The following NFATC1 variants were observed in gnomAD, a reference collection of about 807,000 sequenced individuals.
NFATC1 encodes nuclear factor of activated T-cells, cytoplasmic 1.
Under a neutral mutation model 76.0 loss-of-function variants are expected in NFATC1, and 22 were observed. That is an observed-to-expected ratio of 0.29 (90% CI 0.21 to 0.41). The LOEUF (loss-of-function observed/expected upper bound fraction) is 0.41, where lower values mean the gene tolerates loss of function less well. Ranked by LOEUF, NFATC1 falls within the 10% of genes least tolerant of loss-of-function variation. The pLI, the probability that NFATC1 is intolerant of heterozygous loss-of-function variation, is 1.00. For synonymous variants in NFATC1, 704 were observed against 613.1 expected (o/e 1.15, Z -2.19); for missense variants, 1,357 against 1,337.7 (o/e 1.01, Z -0.23).
rs2089503917 is a variant in NFATC1, at chr18:79,486,573, A to C, written c.2418A>C (p.Pro806=). Residue 806 remains proline (P), a synonymous_variant, in exon 9 of 10, where the codon CCA becomes CCC. Coordinates refer to ENST00000427363, the MANE Select transcript of NFATC1 (RefSeq NM_001278669.2). ...EAPAVQDVPR[P]VATHPGSPGQ... is the part of the protein sequence containing the mutation. ...CCGCCGTCCAGGACGTGCCCAGGCC[A>C]GTGGCCACGCACCCCGGCTCGCCCG... 6.3e-7 allele frequency: 1 copy of C among 1,592,646 alleles called. No homozygotes were observed. The highest frequency in any genetic ancestry group is 1.1e-5 in the South Asian group (1 of 90,204).
chr18:79,479,991 C>G (rs1348715404), intron 8 of NFATC1, among the ~76,000 whole-genome samples: 1 of 152,224 alleles, frequency 6.6e-6, no homozygotes, highest in Admixed American at 6.5e-5. Flanking sequence ...CGTGGAGACC[C>G]CAGCCCAGGG....
chr18:79,503,068 T>C (rs2090047025), intron 9 of NFATC1, among the ~76,000 whole-genome samples: 1 of 152,168 alleles, frequency 6.6e-6, no homozygotes, highest in Admixed American at 6.5e-5. Flanking sequence ...ACAACCACAA[T>C]GCCCAGCATG....
rs182511832 is a variant in NFATC1 at position 79,444,127 on chromosome 18, C to T, written c.1387-4655C>T. On this transcript the variant is annotated intron_variant, in intron 3 of 9. Coordinates refer to ENST00000427363, the MANE Select transcript of NFATC1 (RefSeq NM_001278669.2). The stretch of plus-strand genomic sequence containing the variant: ...AATAAAACCTGAAATGAGAAAAAAA[C>T]TTTTTTCTAGAACTTCCCAGAGAGC... 4.4e-3 allele frequency among the ~76,000 whole-genome samples: 666 copies of T among 152,292 alleles called. 4 individuals are homozygous for T. The highest frequency in any genetic ancestry group is 6.0e-3 in the Non-Finnish European group (408 of 68,008).
intron 2 of NFATC1, 114 bp downstream of exon 2, chr18:79,411,615 C>A: frequency 1.1e-6 from 1 of 883,886 alleles, no homozygotes; most frequent in Non-Finnish European, 1.4e-6. Context: ...GGACGAGAGT[C>A]AGGACCTGGG....
intron 1 of NFATC1, among the ~76,000 whole-genome samples, chr18:79,402,721 G>A (rs552864234): frequency 4.6e-5 from 7 of 152,314 alleles, no homozygotes; most frequent in African/African-American, 1.4e-4. Context: ...TATGTTACGT[G>A]TACATATTGT....
intron 8 of NFATC1, among the ~76,000 whole-genome samples, chr18:79,471,392 G>A (rs1019811727): frequency 7.2e-5 from 11 of 152,304 alleles, no homozygotes; most frequent in African/African-American, 1.7e-4. Context: ...GGGGGGCTGC[G>A]GGCACTTTGG....
chr18:79,431,243 C>T (rs1037559530), intron 2 of NFATC1, among the ~76,000 whole-genome samples: 19 of 152,168 alleles, frequency 1.2e-4, no homozygotes, highest in South Asian at 1.2e-3. Flanking sequence ...TAGTCTTGTT[C>T]TTGCTAAGGA....
chr18:79,465,386 C>G lies in NFATC1; in HGVS notation c.1960-2064C>G, dbSNP rs1429666661. 6.6e-6 allele frequency among the ~76,000 whole-genome samples: 1 copy of G among 152,090 alleles called. No individual in the cohort carries two copies. Among genetic ancestry groups the G allele is most frequent in the African/African-American group, 2.4e-5 (1 of 41,404 alleles). On this transcript the variant is annotated intron_variant, in intron 7 of 9. Transcript: ENST00000427363. The surrounding 1 kb of genome is among the most constrained non-coding windows in gnomAD (Gnocchi z 4.2). ...CAGCATGCCCCACAGGGTCCCACCTCCACCCATCCAGCCTGCCTCACGGGG... is the reference window on the plus strand; with the variant it reads ...CAGCATGCCCCACAGGGTCCCACCTGCACCCATCCAGCCTGCCTCACGGGG...
In NFATC1 at chr18:79,396,180, C is replaced by T; in HGVS notation, c.-45C>T. 2 of 1,429,658 alleles carry T rather than the reference C, an allele frequency of 1.4e-6. No homozygotes were observed. The highest frequency in any genetic ancestry group is 1.9e-6 in the Non-Finnish European group (2 of 1,079,416). The allele number at this position is 1,429,658 out of a possible 1,614,324, so 88.6% of individuals were successfully genotyped here. Reference sequence around the variant, plus strand: ...CCGGCAGCGCGGGGCGGCCGCTTCTCCTGTGCCTCCGCCCGCCGCTCCACT... The same window carrying T: ...CCGGCAGCGCGGGGCGGCCGCTTCTTCTGTGCCTCCGCCCGCCGCTCCACT... On this transcript the variant is annotated 5_prime_UTR_variant, in exon 1 of 10. Transcript: ENST00000427363.
intron 9 of NFATC1, among the ~76,000 whole-genome samples, chr18:79,509,874 C>T (rs576178479): frequency 1.3e-5 from 2 of 152,238 alleles, no homozygotes; most frequent in South Asian, 4.1e-4. Flanking sequence ...TGGAAATGGA[C>T]CAAGACTTAT....
chr18:79,426,930 G>A (rs2086357981), intron 2 of NFATC1, among the ~76,000 whole-genome samples: 1 of 152,220 alleles, frequency 6.6e-6, no homozygotes, highest in African/African-American at 2.4e-5. Flanking sequence ...GACTCATCAG[G>A]GAAGCTCTGC....
chr18:79,524,610 G>T lies in NFATC1; in HGVS notation c.2783-2918G>T, dbSNP rs924003155. ...AGCCCGCAGGAGTGAGGTGCAGGCT[G>T]CCGCTGGCTCCTTAGGCCTCGACAG... On this transcript the variant is annotated intron_variant, in intron 9 of 9. Coordinates refer to ENST00000427363, the MANE Select transcript of NFATC1 (RefSeq NM_001278669.2). The surrounding 1 kb of genome is among the most constrained non-coding windows in gnomAD (Gnocchi z 7.2). 2.6e-5 allele frequency among the ~76,000 whole-genome samples: 4 copies of T among 152,186 alleles called. No individual in the cohort carries two copies. The highest frequency in any genetic ancestry group is 5.9e-5 in the Non-Finnish European group (4 of 68,008).
At chr18:79,476,091 G>T (rs1463190645) in intron 8 of NFATC1, among the ~76,000 whole-genome samples, 1 of 152,234 alleles carries the variant, frequency 6.6e-6, no homozygotes, top group Non-Finnish European at 1.5e-5. Context: ...AGGGCCACGG[G>T]CCACCAAAAA....
intron 9 of NFATC1, among the ~76,000 whole-genome samples, chr18:79,521,108 T>C (rs2090541478): frequency 1.1e-5 from 1 of 87,894 alleles, no homozygotes; most frequent in African/African-American, 4.5e-5. Flanking sequence ...TGTCTGTGTG[T>C]GTGTGGGGGG....
intron 1 of NFATC1, among the ~76,000 whole-genome samples, chr18:79,397,910 G>A (rs1190698582): frequency 6.6e-6 from 1 of 152,202 alleles, no homozygotes; most frequent in East Asian, 1.9e-4. Flanking sequence ...ACGCCCGACC[G>A]ACATGGGTGT....
intron 9 of NFATC1, among the ~76,000 whole-genome samples, chr18:79,501,848 A>T (rs575362553): frequency 9.2e-5 from 14 of 152,334 alleles, no homozygotes; most frequent in African/African-American, 3.1e-4. Context: ...AACGTTGCTG[A>T]GGGAAAGTTA....
chr18:79,477,971 C>T (rs1053210603), intron 8 of NFATC1, among the ~76,000 whole-genome samples: 37 of 152,290 alleles, frequency 2.4e-4, no homozygotes, highest in African/African-American at 8.7e-4. Flanking sequence ...AGTAGAGTCA[C>T]GCGGACGGGG....
chr18:79,475,185 G>A (rs1408191651), intron 8 of NFATC1, among the ~76,000 whole-genome samples: 1 of 145,662 alleles, frequency 6.9e-6, no homozygotes, highest in Non-Finnish European at 1.5e-5. Flanking sequence ...AAACCTGAGG[G>A]AAGCGTGTTC....
intron 3 of NFATC1, among the ~76,000 whole-genome samples, chr18:79,442,215 G>GAGAGAC (rs1341885284): frequency 2.6e-5 from 4 of 152,326 alleles, no homozygotes; most frequent in African/African-American, 9.6e-5. Context: ...TGCTCTTCCG[G>GAGAGAC]AGAGACGTGG....
Sources: gnomAD v4.1 joint callset for allele counts (sites outside exome capture counted in the v4.1 genomes callset) on GRCh38, gnomAD v4.1.1 for gene constraint, Gnocchi (gnomAD v3.1) non-coding constraint, MANE v1.5 for transcripts, NCBI Gene and HGNC (gene_info 2026-07-23, HGNC 2026-07-21) for gene names.